MLIP: variants seen among roughly 807,000 people sequenced by gnomAD.
MLIP encodes muscular LMNA-interacting protein.
MLIP carries 79 observed loss-of-function variants against 84.8 expected under a neutral mutation model. That is an observed-to-expected ratio of 0.93 (90% CI 0.78 to 1.12). The LOEUF (loss-of-function observed/expected upper bound fraction) is 1.12, where lower values mean the gene tolerates loss of function less well. MLIP is among the 50% of genes most tolerant of loss of function. The pLI, the probability that MLIP is intolerant of heterozygous loss-of-function variation, is 0.00. For missense variants in MLIP, 1,257 were observed against 1,160.6 expected, an observed-to-expected ratio of 1.08 and a Z score of -1.21; for synonymous variants, 504 against 463.0, an observed-to-expected ratio of 1.09 and a Z score of -1.14.
intron 12 of MLIP, among the ~76,000 whole-genome samples, chr6:54,240,391 G>T (rs898635383): frequency 2.0e-5 from 3 of 152,010 alleles, no homozygotes; most frequent in African/African-American, 7.3e-5. Context: ...ATTCACATAT[G>T]TATTTCCTTT....
At chr6:54,157,733 A>C (rs1196964921) in intron 5 of MLIP, among the ~76,000 whole-genome samples, 1 of 152,126 alleles carries the variant, frequency 6.6e-6, no homozygotes, top group Non-Finnish European at 1.5e-5. Flanking sequence ...ACACCATGCC[A>C]GGAAAATATT....
intron 1 of MLIP, among the ~76,000 whole-genome samples, chr6:54,052,053 T>C (rs547516189): frequency 6.6e-6 from 1 of 152,292 alleles, no homozygotes; most frequent in African/African-American, 2.4e-5. Context: ...TTCTCTCTTC[T>C]GACTTCTCTG....
rs139698627 is a variant in MLIP at position 54,115,647 on chromosome 6, A to G, written c.96+4072A>G. Among the ~76,000 whole-genome samples the G allele has an allele frequency of 5.4e-4, 83 of 152,320 alleles. 1 individual carries two copies. The highest frequency in any genetic ancestry group is 1.9e-3 in the African/African-American group (77 of 41,578). ...ATTGGGTTAAGAAGCGTGGCATTGA[A>G]CCAGAAACTGAATCTTTAAGGAAAG... On this transcript the variant is annotated intron_variant, in intron 1 of 13. Transcript: ENST00000502396.
chr6:54,180,173 A>G (rs1459343790), intron 9 of MLIP, among the ~76,000 whole-genome samples: 1 of 152,142 alleles, frequency 6.6e-6, no homozygotes, highest in Non-Finnish European at 1.5e-5. Flanking sequence ...TTTCCACTGA[A>G]AAGTCTGCTG....
At chr6:54,248,335 A>G (rs573837641) in intron 12 of MLIP, among the ~76,000 whole-genome samples, 2 of 152,284 alleles carry the variant, frequency 1.3e-5, no homozygotes, top group South Asian at 4.1e-4. Flanking sequence ...GACAAAAAGA[A>G]CAACAAATAT....
Position 54,186,572 on chromosome 6 carries a change from C to T in MLIP, c.2545-3298C>T, listed in dbSNP as rs572739625. On this transcript the variant is annotated intron_variant, in intron 9 of 13. Transcript: ENST00000502396. The stretch of plus-strand genomic sequence containing the variant: ...GCATGGCTTGGGAAGCCTCAGGAAA[C>T]TTATAATCATGGGAGAAAATGAAGG... Among the ~76,000 whole-genome samples the T allele has an allele frequency of 7.9e-5, 12 of 152,278 alleles. No individual in the cohort carries two copies. The South Asian group carries it at 2.5e-3, about 32-fold the overall frequency.
chr6:54,164,104 A>AT (rs1036928661), intron 8 of MLIP, among the ~76,000 whole-genome samples: 1 of 151,810 alleles, frequency 6.6e-6, no homozygotes, highest in Non-Finnish European at 1.5e-5. Flanking sequence ...TCTTACAGAT[A>AT]TTTTTTATGG....
At chr6:54,027,449 G>A (rs374681381) in intron 1 of MLIP, among the ~76,000 whole-genome samples, 3 of 150,600 alleles carry the variant, frequency 2.0e-5, no homozygotes, top group African/African-American at 7.3e-5. Flanking sequence ...TGTGTTAAAT[G>A]TTATTTTAAA....
At chr6:54,206,449 TC>T (rs1779040234) in intron 11 of MLIP, among the ~76,000 whole-genome samples, 1 of 152,154 alleles carries the variant, frequency 6.6e-6, no homozygotes, top group Non-Finnish European at 1.5e-5. Context: ...AATAACACTT[TC>T]CAGCATGTAT....
rs188196371 is a variant in MLIP at position 54,019,407 on chromosome 6, G to A, written c.63+316G>A. 1.3e-4 allele frequency among the ~76,000 whole-genome samples: 20 copies of A among 152,212 alleles called. No homozygotes were observed. In the East Asian group the frequency reaches 3.1e-3, roughly 23 times the overall value. ...AGCACTGGAAGATTGTTTTATTTAC[G>A]TATGCGAAGCTTAGCGAGTGTTCAA... On this transcript the variant is annotated intron_variant, in intron 1 of 12. Coordinates refer to the MLIP transcript ENST00000274897.
intron 12 of MLIP, among the ~76,000 whole-genome samples, chr6:54,240,477 C>T (rs577579597): frequency 5.8e-4 from 89 of 152,258 alleles, no homozygotes; most frequent in African/African-American, 2.0e-3. Flanking sequence ...TATGTTTGTG[C>T]ATTTTCTTTC....
chr6:54,263,720 TA>T (rs56266816), intron 13 of MLIP, among the ~76,000 whole-genome samples: 2 of 151,180 alleles, frequency 1.3e-5, no homozygotes, highest in African/African-American at 2.4e-5. Context: ...ACTCTGAATT[TA>T]AAAAAAAACC....
In MLIP at chr6:54,043,805, G is replaced by C. The variant is rs148921454; in HGVS notation, c.63+24714G>C. Among the ~76,000 whole-genome samples the C allele has an allele frequency of 2.4e-4, 37 of 152,288 alleles. No homozygotes were observed. In the East Asian group the frequency reaches 7.0e-3, roughly 29 times the overall value. On this transcript the variant is annotated intron_variant, in intron 1 of 12. Transcript: ENST00000274897. ...TCTTAACTAATTTAAGGGAATGTCA[G>C]GTGACCAAAATGCTGAAAAGACATT...
Position 54,138,296 on chromosome 6 carries a change from G to A in MLIP, c.2217+10G>A. The A allele has an allele frequency of 6.5e-7, 1 of 1,530,924 alleles. No individual in the cohort carries two copies. Among genetic ancestry groups the A allele is most frequent in the Non-Finnish European group, 8.7e-7 (1 of 1,143,442 alleles). The allele number at this position is 1,530,924 out of a possible 1,614,324, so 94.8% of individuals were successfully genotyped here. A position where few individuals can be genotyped will look rare whatever the true frequency, so the allele number is the denominator to read the frequency against. Reference sequence around the variant, plus strand: ...AAATAAGAAATCAAAGGTATTTTTTGCATGTTGCATGGTGCATGCTTATTT... The same window carrying A: ...AAATAAGAAATCAAAGGTATTTTTTACATGTTGCATGGTGCATGCTTATTT... On this transcript the variant is annotated intron_variant, in intron 4 of 13. Coordinates refer to ENST00000502396, the MANE Select transcript of MLIP (RefSeq NM_001281747.2).
chr6:54,158,054 TTA>T (rs922115122), intron 5 of MLIP, among the ~76,000 whole-genome samples: 9 of 152,096 alleles, frequency 5.9e-5, no homozygotes, highest in African/African-American at 2.2e-4. Context: ...ATTCTTAGGG[TTA>T]TATCCCATGC....
At chr6:54,120,291 G>A (rs1024640092) in intron 1 of MLIP, among the ~76,000 whole-genome samples, 7 of 151,512 alleles carry the variant, frequency 4.6e-5, no homozygotes, top group Non-Finnish European at 7.4e-5. Context: ...CTGGAGTGCA[G>A]TGGCACGATC....
At chr6:54,095,171 C>T (rs1032112700) in intron 1 of MLIP, among the ~76,000 whole-genome samples, 4 of 152,052 alleles carry the variant, frequency 2.6e-5, no homozygotes, top group East Asian at 1.9e-4. Flanking sequence ...TTTTGGGAAG[C>T]GGTGGGTAGA....
chr6:54,226,075 C>T (rs985168240), intron 11 of MLIP, among the ~76,000 whole-genome samples: 1 of 152,038 alleles, frequency 6.6e-6, no homozygotes, highest in African/African-American at 2.4e-5. Context: ...GTGCTTGATA[C>T]CTCTGAAAGG....
chr6:54,158,792 G>A (rs1774310630), intron 5 of MLIP, among the ~76,000 whole-genome samples: 2 of 151,950 alleles, frequency 1.3e-5, no homozygotes, highest in African/African-American at 4.8e-5. Flanking sequence ...TGATGCTCTG[G>A]TAAGAGAGAA....
Sources: allele counts gnomAD v4.1 joint callset (sites outside exome capture counted in the v4.1 genomes callset), GRCh38; gene constraint gnomAD v4.1.1; transcripts MANE v1.5; gene names NCBI Gene and HGNC (gene_info 2026-07-23, HGNC 2026-07-21).